Variants in KCNH7 observed in about 807,000 individuals in gnomAD.
KCNH7 encodes the protein potassium voltage-gated channel subfamily H member 7.
KCNH7 carries 49 observed loss-of-function variants against 120.8 expected under a neutral mutation model. The ratio of observed to expected loss-of-function variants is 0.41; its 90% confidence interval spans 0.32 to 0.51. The LOEUF (loss-of-function observed/expected upper bound fraction) is 0.51, where lower values mean the gene tolerates loss of function less well. Among genes scored for constraint, KCNH7 ranks in the 20% least tolerant of loss-of-function variants. The pLI is 0.38. For missense variants in KCNH7, 1,097 were observed against 1,446.6 expected (o/e 0.76, Z 3.92); for synonymous variants, 547 against 516.1 (o/e 1.06, Z -0.81).
At chr2:162,454,449 C>T (rs771211758) in intron 6 of KCNH7, among the ~76,000 whole-genome samples, 8 of 152,020 alleles carry the variant, frequency 5.3e-5, no homozygotes, top group Non-Finnish European at 8.8e-5. Flanking sequence ...TTTTTGATTC[C>T]ATATGAAATT....
intron 2 of KCNH7, among the ~76,000 whole-genome samples, chr2:162,613,071 C>T (rs1208575156): frequency 1.3e-5 from 2 of 151,754 alleles, no homozygotes; most frequent in Non-Finnish European, 2.9e-5. Flanking sequence ...GAGAAAACAA[C>T]CACATATGCC....
At position 162,527,668 on chromosome 2, in the gene KCNH7, A is replaced by T. The variant is rs189621724; in HGVS notation, c.463+9257T>A. ...GTGTGGTTAGGCTTAGCTTCAGTTG[A>T]AGCTTTTAGAAAAATTCAAAATTTT... On this transcript the variant is annotated intron_variant, in intron 3 of 15. Transcript: ENST00000332142. 1.2e-4 allele frequency among the ~76,000 whole-genome samples: 19 copies of T among 152,128 alleles called. No homozygotes were observed. In the East Asian group the frequency reaches 3.5e-3, roughly 28 times the overall value.
chr2:162,683,538 A>C (rs1210871655), intron 2 of KCNH7, among the ~76,000 whole-genome samples: 1 of 151,956 alleles, frequency 6.6e-6, no homozygotes, highest in Non-Finnish European at 1.5e-5. Context: ...GAATTCACAA[A>C]GGTGAAAGAA....
At chr2:162,466,174 A>G (rs1689298437) in intron 6 of KCNH7, among the ~76,000 whole-genome samples, 1 of 152,192 alleles carries the variant, frequency 6.6e-6, no homozygotes, top group Non-Finnish European at 1.5e-5. Flanking sequence ...GGCACAAGAG[A>G]GACACTATAT....
chr2:162,374,567 A>G (rs1686092653), intron 14 of KCNH7, among the ~76,000 whole-genome samples: 2 of 152,190 alleles, frequency 1.3e-5, no homozygotes, highest in Admixed American at 1.3e-4. Flanking sequence ...CTCTGAATAA[A>G]AAATGGAAAT....
At chr2:162,415,839 A>G (rs1465955604) in intron 9 of KCNH7, among the ~76,000 whole-genome samples, 5 of 152,166 alleles carry the variant, frequency 3.3e-5, no homozygotes, top group Non-Finnish European at 5.9e-5. Context: ...TATGTAACCT[A>G]GTCCTTTTCT....
At chr2:162,565,130 C>A (rs1038109165) in intron 2 of KCNH7, among the ~76,000 whole-genome samples, 1 of 152,064 alleles carries the variant, frequency 6.6e-6, no homozygotes, top group Non-Finnish European at 1.5e-5. Context: ...AAAATGCCTG[C>A]TACTGAGTCT....
intron 6 of KCNH7, among the ~76,000 whole-genome samples, chr2:162,484,704 G>T (rs1159520316): frequency 6.6e-6 from 1 of 152,182 alleles, no homozygotes; most frequent in Non-Finnish European, 1.5e-5. Flanking sequence ...CATGGGGGCA[G>T]ATCCCTCATG....
intron 2 of KCNH7, among the ~76,000 whole-genome samples, chr2:162,704,217 T>G (rs1686614458): frequency 6.6e-6 from 1 of 152,122 alleles, no homozygotes; most frequent in South Asian, 2.1e-4. Flanking sequence ...ACATAATATT[T>G]CCTATGTTTT....
intron 3 of KCNH7, among the ~76,000 whole-genome samples, chr2:162,530,086 T>C (rs1209860216): frequency 1.3e-5 from 2 of 151,936 alleles, no homozygotes; most frequent in Non-Finnish European, 2.9e-5. Flanking sequence ...AGCTGCTCAC[T>C]TTTCTTGTGT....
intron 8 of KCNH7, among the ~76,000 whole-genome samples, chr2:162,425,775 A>G (rs1003475495): frequency 6.6e-6 from 1 of 152,178 alleles, no homozygotes; most frequent in African/African-American, 2.4e-5. Flanking sequence ...AGATTTTAGC[A>G]AATTAGATGT....
chr2:162,401,248 A>C (rs567858240), intron 9 of KCNH7, among the ~76,000 whole-genome samples: 1 of 152,062 alleles, frequency 6.6e-6, no homozygotes, highest in East Asian at 1.9e-4. Flanking sequence ...TGCTATTTTC[A>C]TACAATTCTC....
At position 162,537,043 on chromosome 2, in the gene KCNH7, C is replaced by T. The variant is rs781309339; in HGVS notation, c.345G>A (p.Val115=). The stretch of plus-strand genomic sequence containing the variant: ...TCATAGCCACGCCCTCTTGGTTTTT[C>T]ACTGGAATTATGTGAGTGTTACAAA... The part of the protein sequence containing the change: ...TFICNTHIIP[V]KNQEGVAMMF... Residue 115 remains valine (V), a synonymous_variant, in exon 3 of 16, where the codon GTG becomes GTA. Coordinates refer to ENST00000332142, the MANE Select transcript of KCNH7 (RefSeq NM_033272.4). 1.9e-6 allele frequency: 3 copies of T among 1,612,518 alleles called. No individual in the cohort carries two copies. The East Asian group carries it at 6.7e-5, about 36-fold the overall frequency.
chr2:162,827,537 A>G (rs1403382511), intron 2 of KCNH7, among the ~76,000 whole-genome samples: 1 of 152,200 alleles, frequency 6.6e-6, no homozygotes, highest in Non-Finnish European at 1.5e-5. Flanking sequence ...CCTGATATTC[A>G]TTTTGATTGA....
chr2:162,432,839 G>A (rs1276796568), intron 8 of KCNH7, among the ~76,000 whole-genome samples: 2 of 151,894 alleles, frequency 1.3e-5, no homozygotes, highest in Non-Finnish European at 2.9e-5. Context: ...GAAATAGAAG[G>A]CCTCCAAACA....
intron 2 of KCNH7, among the ~76,000 whole-genome samples, chr2:162,766,481 C>G (rs1682813019): frequency 6.6e-6 from 1 of 152,088 alleles, no homozygotes; most frequent in African/African-American, 2.4e-5. Context: ...TAATTTCTGA[C>G]AAGTCTAAAT....
At chr2:162,736,579 A>C (rs906612658) in intron 2 of KCNH7, among the ~76,000 whole-genome samples, 7 of 152,226 alleles carry the variant, frequency 4.6e-5, no homozygotes, top group Non-Finnish European at 1.0e-4. Context: ...CATTGTGGCT[A>C]AGGGACATTC....
intron 2 of KCNH7, among the ~76,000 whole-genome samples, chr2:162,825,775 C>A (rs1685261299): frequency 6.6e-6 from 1 of 151,852 alleles, no homozygotes. Context: ...TATGCATGTT[C>A]AGCAGAAATT....
At chr2:162,392,131 G>A (rs1224196816) in intron 12 of KCNH7, among the ~76,000 whole-genome samples, 1 of 152,034 alleles carries the variant, frequency 6.6e-6, no homozygotes, top group Non-Finnish European at 1.5e-5. Context: ...ATTATAAGAA[G>A]TAAGTGCTTT....
Sources: gnomAD v4.1 joint callset for allele counts (sites outside exome capture counted in the v4.1 genomes callset) on GRCh38, gnomAD v4.1.1 for gene constraint, MANE v1.5 for transcripts, NCBI Gene and HGNC (gene_info 2026-07-23, HGNC 2026-07-21) for gene names.